The following MAP2K5 variants were observed in gnomAD, a reference collection of about 807,000 sequenced individuals.
The protein encoded by MAP2K5 is mitogen-activated protein kinase kinase 5.
A neutral mutation model predicts 83.1 loss-of-function variants in MAP2K5; 49 were observed. That is an observed-to-expected ratio of 0.59 (90% CI 0.47 to 0.75). The LOEUF (loss-of-function observed/expected upper bound fraction) is 0.75, where lower values mean the gene tolerates loss of function less well. Among genes scored for constraint, MAP2K5 ranks in the 30% least tolerant of loss-of-function variants. The pLI is 0.00. For synonymous variants in MAP2K5, 202 were observed against 191.8 expected (o/e 1.05, Z -0.44); for missense variants, 457 against 557.5 (o/e 0.82, Z 1.82).
At chr15:67,759,589 T>G (rs951844597) in intron 19 of MAP2K5, among the ~76,000 whole-genome samples, 1 of 148,322 alleles carries the variant, frequency 6.7e-6, no homozygotes, top group Non-Finnish European at 1.5e-5. Context: ...AAAGAAAAAA[T>G]GGGATTAACC....
chr15:67,620,912 T>C (rs537651511), intron 8 of MAP2K5, among the ~76,000 whole-genome samples: 67 of 152,192 alleles, frequency 4.4e-4, no homozygotes, highest in African/African-American at 1.6e-3. Context: ...AGTCGATAGG[T>C]GTAAAGTAAA....
chr15:67,553,687 G>A (rs1489811323), intron 2 of MAP2K5, among the ~76,000 whole-genome samples: 2 of 152,002 alleles, frequency 1.3e-5, no homozygotes, highest in Admixed American at 6.5e-5. Context: ...GCCGAGGCAG[G>A]TGGATCATGA....
intron 11 of MAP2K5, among the ~76,000 whole-genome samples, chr15:67,651,988 A>G (rs2086966450): frequency 6.6e-6 from 1 of 152,202 alleles, no homozygotes; most frequent in African/African-American, 2.4e-5. Flanking sequence ...TCAATAGTGT[A>G]TGAAGGTTCC....
At position 67,668,238 on chromosome 15, in the gene MAP2K5, C is replaced by T. The variant is rs778301815; in HGVS notation, c.847+3593C>T. 7.9e-5 allele frequency among the ~76,000 whole-genome samples: 12 copies of T among 152,108 alleles called. No homozygotes were observed. Among genetic ancestry groups the T allele is most frequent in the Non-Finnish European group, 1.6e-4 (11 of 68,024 alleles). On this transcript the variant is annotated intron_variant, in intron 13 of 21. Coordinates refer to ENST00000178640, the MANE Select transcript of MAP2K5 (RefSeq NM_145160.3). The surrounding 1 kb of genome is among the most constrained non-coding windows in gnomAD (Gnocchi z 4.0). The stretch of plus-strand genomic sequence containing the variant: ...TCACTTTATTCAGTTAATAAGAATA[C>T]ACCACTCCAAAACCAAGCCAGGGAG...
chr15:67,601,692 C>T (rs1411141943), intron 8 of MAP2K5, among the ~76,000 whole-genome samples: 1 of 152,234 alleles, frequency 6.6e-6, no homozygotes, highest in Non-Finnish European at 1.5e-5. Flanking sequence ...TGACTAACCA[C>T]ATGAATACAC....
intron 20 of MAP2K5, among the ~76,000 whole-genome samples, chr15:67,771,378 T>C (rs2090139078): frequency 6.6e-6 from 1 of 152,134 alleles, no homozygotes; most frequent in Non-Finnish European, 1.5e-5. Flanking sequence ...GAGACCAACC[T>C]GGGGGTGGGG....
In MAP2K5 at chr15:67,640,676, G is replaced by A. The variant is rs2086691825; in HGVS notation, c.586-5555G>A. On this transcript the variant is annotated intron_variant, in intron 9 of 21. Transcript: ENST00000178640. This position sits in a 1 kb window ranked among gnomAD's most constrained non-coding sequence, Gnocchi z 4.6. The stretch of plus-strand genomic sequence containing the variant: ...TATGGGCACAATTAGATGAGTCCTT[G>A]AAAATCTGTTGCTTTTCCTACTCAA... 7.7e-6 allele frequency: 5 copies of A among 647,068 alleles called. No individual in the cohort carries two copies. Among genetic ancestry groups the A allele is most frequent in the African/African-American group, 2.0e-5 (1 of 50,694 alleles). The allele number at this position is 647,068 out of a possible 1,614,324, so 40.1% of individuals were successfully genotyped here.
intron 15 of MAP2K5, among the ~76,000 whole-genome samples, chr15:67,701,742 G>T (rs2088424314): frequency 2.0e-5 from 3 of 152,118 alleles, no homozygotes; most frequent in African/African-American, 4.8e-5. Flanking sequence ...TATTCTGGAG[G>T]TTCATTTGTA....
intron 6 of MAP2K5, 67 bp from the exon 7 acceptor site, chr15:67,592,859 C>G: frequency 1.9e-6 from 2 of 1,057,624 alleles, no homozygotes; most frequent in South Asian, 2.7e-5. Context: ...GTATTTCAGT[C>G]TGGAATTTTC....
rs1373625727 is a variant in MAP2K5, at chr15:67,587,671, T to C, written c.431+758T>C. Among the ~76,000 whole-genome samples, 1 of 152,214 alleles carries C rather than the reference T, an allele frequency of 6.6e-6. No individual in the cohort carries two copies. Among genetic ancestry groups the C allele is most frequent in the Non-Finnish European group, 1.5e-5 (1 of 68,038 alleles). ...TCTATAGCGCCCACTCATAACGTTT[T>C]AGTTAAGCCCTCAGAACGTGGTTGT... On this transcript the variant is annotated intron_variant, in intron 6 of 21. Coordinates refer to ENST00000178640, the MANE Select transcript of MAP2K5 (RefSeq NM_145160.3). This position sits in a 1 kb window ranked among gnomAD's most constrained non-coding sequence, Gnocchi z 4.8.
At position 67,758,607 on chromosome 15, in the gene MAP2K5, C is replaced by T. The variant is rs1167506501; in HGVS notation, c.1134+10006C>T. Among the ~76,000 whole-genome samples the T allele has an allele frequency of 2.0e-5, 3 of 152,036 alleles. No homozygotes were observed. The highest frequency in any genetic ancestry group is 4.4e-5 in the Non-Finnish European group (3 of 67,996). On this transcript the variant is annotated intron_variant, in intron 19 of 21. Coordinates refer to ENST00000178640, the MANE Select transcript of MAP2K5 (RefSeq NM_145160.3). The surrounding 1 kb of genome is among the most constrained non-coding windows in gnomAD (Gnocchi z 4.7). ...AATGACATTTATGCATAAATCTCAA[C>T]ACTTTTTTTTTCAAGACCTCAGAAA...
At chr15:67,585,768 C>T in intron 4 of MAP2K5, 122 bp from the exon 5 acceptor site, 1 of 819,852 alleles carries the variant, frequency 1.2e-6, no homozygotes, top group South Asian at 1.5e-5. Context: ...TTGGGAGCCA[C>T]TTTTCAATCA....
Position 67,768,049 on chromosome 15 carries a change from G to T in MAP2K5, c.1135-1553G>T, listed in dbSNP as rs968605658. On this transcript the variant is annotated intron_variant, in intron 19 of 21. Transcript: ENST00000178640. The surrounding 1 kb of genome is among the most constrained non-coding windows in gnomAD (Gnocchi z 4.0). ...ATGTTTCTTTTCTTGTAGCCTCTTC[G>T]GTGTTTTTTGTTGTCTGTTTTTTGT... Among the ~76,000 whole-genome samples the T allele has an allele frequency of 2.0e-5, 3 of 151,956 alleles. No homozygotes were observed. Among genetic ancestry groups the T allele is most frequent in the African/African-American group, 7.3e-5 (3 of 41,372 alleles).
intron 16 of MAP2K5, among the ~76,000 whole-genome samples, chr15:67,710,976 A>G (rs1030113969): frequency 1.1e-4 from 16 of 152,240 alleles, no homozygotes; most frequent in African/African-American, 3.9e-4. Flanking sequence ...ACCATCCTTC[A>G]TGATACCAAC....
chr15:67,741,604 C>G (rs1484601816), intron 17 of MAP2K5, among the ~76,000 whole-genome samples: 1 of 152,076 alleles, frequency 6.6e-6, no homozygotes, highest in Admixed American at 6.5e-5. Context: ...CTACCATACC[C>G]TAGAGCTGGG....
At chr15:67,721,451 C>T (rs558747522) in intron 16 of MAP2K5, among the ~76,000 whole-genome samples, 11 of 152,144 alleles carry the variant, frequency 7.2e-5, no homozygotes, top group Non-Finnish European at 1.3e-4. Context: ...AAAGAAAAAA[C>T]ATTAGTTACA....
rs191104443 is a variant in MAP2K5, at chr15:67,762,229, C to T, written c.1135-7373C>T. Among the ~76,000 whole-genome samples the T allele has an allele frequency of 6.6e-5, 10 of 152,226 alleles. No homozygotes were observed. In the East Asian group the frequency reaches 1.7e-3, roughly 26 times the overall value. ...TTTACTTTTGTAAATGAAATCCCTT[C>T]GGTATGAGACAAGTATGTTTTTTGC... On this transcript the variant is annotated intron_variant, in intron 19 of 21. Coordinates refer to ENST00000178640, the MANE Select transcript of MAP2K5 (RefSeq NM_145160.3).
intron 21 of MAP2K5, among the ~76,000 whole-genome samples, chr15:67,796,726 T>G (rs1362636675): frequency 6.6e-6 from 1 of 152,252 alleles, no homozygotes; most frequent in African/African-American, 2.4e-5. Flanking sequence ...TGGCCTCTAA[T>G]TGCTTATCCC....
chr15:67,546,506 AG>A, intron 1 of MAP2K5: 1 of 785,602 alleles, frequency 1.3e-6, no homozygotes, highest in Non-Finnish European at 1.5e-6. Context: ...TGGGCAAGTC[AG>A]TCGGTCTCTC....
Sources: allele counts gnomAD v4.1 joint callset (sites outside exome capture counted in the v4.1 genomes callset), GRCh38; gene constraint gnomAD v4.1.1; non-coding constraint Gnocchi (gnomAD v3.1); transcripts MANE v1.5; gene names NCBI Gene and HGNC (gene_info 2026-07-23, HGNC 2026-07-21).